Variants in RASSF8 observed in about 807,000 individuals in gnomAD.
RASSF8 encodes the protein ras association domain-containing protein 8.
Under a neutral mutation model 48.5 loss-of-function variants are expected in RASSF8, and 22 were observed. The ratio of observed to expected loss-of-function variants is 0.45; its 90% CI spans 0.32 to 0.65. The LOEUF is 0.65. RASSF8 is among the 30% of genes least tolerant of loss of function. The pLI is 0.03. For synonymous variants in RASSF8, 127 were observed against 171.5 expected, an observed-to-expected ratio of 0.74 and a Z score of 2.03; for missense variants, 418 against 489.2, an observed-to-expected ratio of 0.85 and a Z score of 1.37.
intron 2 of RASSF8, among the ~76,000 whole-genome samples, chr12:26,026,466 C>T (rs1466778639): frequency 3.9e-5 from 6 of 152,090 alleles, no homozygotes; most frequent in East Asian, 1.9e-4. Context: ...GATGGAGTCT[C>T]GCTTTGTTGC....
intron 1 of RASSF8, among the ~76,000 whole-genome samples, chr12:25,988,804 G>A (rs2136937511): frequency 6.6e-6 from 1 of 152,262 alleles, no homozygotes; most frequent in East Asian, 1.9e-4. Flanking sequence ...TCCATGGTAT[G>A]GTAGGGAAAT....
At chr12:25,965,059 C>T (rs1941325531) in intron 1 of RASSF8, among the ~76,000 whole-genome samples, 1 of 151,972 alleles carries the variant, frequency 6.6e-6, no homozygotes, top group South Asian at 2.1e-4. Flanking sequence ...TCTCCCGCCT[C>T]AGCCTCCTGA....
chr12:26,057,116 G>GTA (rs1943623813), intron 3 of RASSF8, among the ~76,000 whole-genome samples: 2 of 151,308 alleles, frequency 1.3e-5, no homozygotes. Context: ...GTGTGTGTGT[G>GTA]TGTGTGTGTG....
At chr12:26,026,679 G>A (rs1464000159) in intron 2 of RASSF8, among the ~76,000 whole-genome samples, 15 of 152,162 alleles carry the variant, frequency 9.9e-5, no homozygotes, top group Non-Finnish European at 1.8e-4. Flanking sequence ...CAAGTGATCC[G>A]CCCACCTCGG....
intron 3 of RASSF8, among the ~76,000 whole-genome samples, chr12:26,058,526 G>GCA (rs931023322): frequency 3.1e-5 from 2 of 63,810 alleles, no homozygotes; most frequent in African/African-American, 9.6e-5. Context: ...ACACACATGC[G>GCA]CACGCGCGCG....
At chr12:25,987,329 G>A (rs985779719) in intron 1 of RASSF8, among the ~76,000 whole-genome samples, 4 of 152,110 alleles carry the variant, frequency 2.6e-5, no homozygotes, top group Non-Finnish European at 2.9e-5. Context: ...TGAGCTATGC[G>A]GTCATGCCTC....
intron 3 of RASSF8, among the ~76,000 whole-genome samples, chr12:26,059,968 G>A (rs897476113): frequency 2.3e-4 from 35 of 152,222 alleles, no homozygotes; most frequent in African/African-American, 6.0e-4. Flanking sequence ...TGTGATCTCC[G>A]CTCACTGCAA....
chr12:26,044,131 T>C (rs1429161639), intron 2 of RASSF8, among the ~76,000 whole-genome samples: 1 of 152,232 alleles, frequency 6.6e-6, no homozygotes, highest in Non-Finnish European at 1.5e-5. Context: ...ATAGTCACTA[T>C]TGCCATGCTG....
At chr12:26,010,005 G>C (rs185032443) in intron 2 of RASSF8, among the ~76,000 whole-genome samples, 118 of 152,308 alleles carry the variant, frequency 7.7e-4, no homozygotes, top group African/African-American at 2.6e-3. Context: ...CTGATGGAGA[G>C]AGTGGTGGTC....
intron 2 of RASSF8, among the ~76,000 whole-genome samples, chr12:26,022,596 T>C (rs1428492726): frequency 2.0e-5 from 3 of 152,014 alleles, no homozygotes; most frequent in Non-Finnish European, 4.4e-5. Flanking sequence ...AAGGAAGATA[T>C]GATACACTGC....
downstream of RASSF8, among the ~76,000 whole-genome samples, chr12:26,074,510 A>AT (rs79590266): frequency 2.0e-3 from 283 of 144,626 alleles, no homozygotes; most frequent in African/African-American, 3.0e-3. Context: ...GCCCAGCCAA[A>AT]TTTTTTTTTT....
intron 2 of RASSF8, among the ~76,000 whole-genome samples, chr12:26,040,595 A>G (rs1029171748): frequency 2.0e-5 from 3 of 152,090 alleles, no homozygotes; most frequent in Admixed American, 1.3e-4. Context: ...ACAGATAGAT[A>G]CCTCTTGACT....
rs1006821778 is a variant in RASSF8 at position 26,078,908 on chromosome 12, G to C, written c.1139-125G>C. 4.0e-6 allele frequency: 3 copies of C among 754,468 alleles called. No individual in the cohort carries two copies. The African/African-American group carries it at 5.5e-5, about 14-fold the overall frequency. The allele number at this position is 754,468 out of a possible 1,614,324, so 46.7% of individuals were successfully genotyped here. ...TTCTAGAAGGTTCTCAAAAAAAAAG[G>C]CGCTAACCGAAAAGACAAAGACCCA... On this transcript the variant is annotated intron_variant, in intron 5 of 5. Coordinates refer to the RASSF8 transcript ENST00000381352.
chr12:25,976,930 A>G (rs528090563), intron 1 of RASSF8, among the ~76,000 whole-genome samples: 1 of 152,278 alleles, frequency 6.6e-6, no homozygotes, highest in South Asian at 2.1e-4. Flanking sequence ...TTAGCCTATA[A>G]TTCTAAGACG....
At chr12:26,063,082 A>G (rs761829345) in intron 3 of RASSF8, among the ~76,000 whole-genome samples, 6 of 152,372 alleles carry the variant, frequency 3.9e-5, no homozygotes, top group Non-Finnish European at 5.9e-5. Context: ...TTGATGCAGT[A>G]ATTGCAAAAA....
intron 2 of RASSF8, among the ~76,000 whole-genome samples, chr12:26,053,183 A>C (rs1943529689): frequency 2.2e-5 from 2 of 89,680 alleles, no homozygotes; most frequent in South Asian, 7.2e-4. Flanking sequence ...TTTCTTCCAC[A>C]ATTGAAAAAA....
At chr12:25,984,183 C>G (rs958664432) in intron 1 of RASSF8, among the ~76,000 whole-genome samples, 6 of 151,484 alleles carry the variant, frequency 4.0e-5, no homozygotes, top group African/African-American at 1.5e-4. Flanking sequence ...GCCTCAGCCT[C>G]CTCAGTAGCT....
At chr12:25,982,041 T>C (rs942240933) in intron 1 of RASSF8, among the ~76,000 whole-genome samples, 6 of 152,204 alleles carry the variant, frequency 3.9e-5, no homozygotes, top group African/African-American at 1.4e-4. Context: ...TTTTGGGGTA[T>C]GAAATCGAAG....
chr12:25,997,322 G>A (rs772008886), intron 2 of RASSF8, among the ~76,000 whole-genome samples: 1 of 152,062 alleles, frequency 6.6e-6, no homozygotes, highest in Non-Finnish European at 1.5e-5. Flanking sequence ...ACAGGACTTA[G>A]TTCTATAATA....
Sources: allele counts gnomAD v4.1 joint callset (sites outside exome capture counted in the v4.1 genomes callset), GRCh38; gene constraint gnomAD v4.1.1; transcripts MANE v1.5; gene names NCBI Gene and HGNC (gene_info 2026-07-23, HGNC 2026-07-21).